The following DST variants were observed in gnomAD, a reference collection of about 807,000 sequenced individuals.
DST encodes dystonin, also known as bullous pemphigoid antigen.
DST carries 253 observed loss-of-function variants against 875.2 expected under a neutral mutation model. The ratio of observed to expected loss-of-function variants is 0.29; its 90% CI spans 0.26 to 0.32. The LOEUF (loss-of-function observed/expected upper bound fraction) is 0.32. Among genes scored for constraint, DST ranks in the 10% least tolerant of loss-of-function variants. DST has a pLI of 1.00. For missense variants in DST, 8,287 were observed against 9,111.6 expected (o/e 0.91, Z 3.68); for synonymous variants, 3,124 against 3,197.1 (o/e 0.98, Z 0.77).
At chr6:56,916,823 C>CACAGAGAG (rs555473872) in intron 2 of DST, among the ~76,000 whole-genome samples, 32 of 140,758 alleles carry the variant, frequency 2.3e-4, no homozygotes, top group African/African-American at 7.6e-4. Flanking sequence ...CACACACACA[C>CACAGAGAG]AGAGAGACAG....
intron 39 of DST, among the ~76,000 whole-genome samples, chr6:56,609,651 GA>G (rs1183407129): frequency 1.3e-5 from 2 of 152,150 alleles, no homozygotes; most frequent in African/African-American, 4.8e-5. Context: ...ATGATAGTGA[GA>G]AAACAGAACA....
chr6:56,510,212 T>C lies in DST; in HGVS notation c.18781-339A>G, dbSNP rs7743011. On this transcript the variant is annotated intron_variant, in intron 73 of 103. Transcript: ENST00000680361. ...CTTTACCTGCTGCTTCATCCTGTTA[T>C]CATAATTCAAATTAATTTTAAAAAT... Among the ~76,000 whole-genome samples the C allele has an allele frequency of 0.66, 100,595 of 152,016 alleles. 33,774 individuals are homozygous for C. Among genetic ancestry groups the C allele is most frequent in the Non-Finnish European group, 0.7 (47,913 of 67,976 alleles).
At chr6:56,577,338 C>G (rs2097886964) in intron 50 of DST, among the ~76,000 whole-genome samples, 1 of 152,144 alleles carries the variant, frequency 6.6e-6, no homozygotes, top group African/African-American at 2.4e-5. Context: ...GCAATGGTAT[C>G]TAATGTGGAT....
At chr6:56,818,165 A>G (rs992469374) in intron 4 of DST, among the ~76,000 whole-genome samples, 8 of 152,210 alleles carry the variant, frequency 5.3e-5, no homozygotes, top group African/African-American at 1.9e-4. Flanking sequence ...AGTGTAAGGT[A>G]ATAAATTTGT....
intron 90 of DST, among the ~76,000 whole-genome samples, chr6:56,479,247 G>A (rs2095320129): frequency 6.6e-6 from 1 of 152,138 alleles, no homozygotes; most frequent in Non-Finnish European, 1.5e-5. Flanking sequence ...ACACAAGTCA[G>A]GATGACTATT....
chr6:56,951,158 T>A (rs967067914), intron 2 of DST, among the ~76,000 whole-genome samples: 2 of 152,216 alleles, frequency 1.3e-5, no homozygotes, highest in Admixed American at 1.3e-4. Flanking sequence ...CAATACATTC[T>A]GCCAAGTAGA....
chr6:56,476,375 A>G (rs375724008), intron 91 of DST, 38 bp from the exon 92 acceptor site: 99 of 1,487,156 alleles, frequency 6.7e-5, no homozygotes, highest in Non-Finnish European at 8.7e-5. Context: ...ATTTCCTCCA[A>G]CTTAGTAAAA....
intron 2 of DST, among the ~76,000 whole-genome samples, chr6:56,944,170 T>G (rs1019521059): frequency 1.3e-5 from 2 of 152,108 alleles, no homozygotes; most frequent in Non-Finnish European, 2.9e-5. Context: ...CTCTTTCCCC[T>G]TAAGGAAAAG....
chr6:56,557,649 A>G (rs1584873887), intron 58 of DST, 131 bp from the exon 59 acceptor site: 2 of 733,036 alleles, frequency 2.7e-6, no homozygotes, highest in African/African-American at 1.8e-5. Flanking sequence ...CTCTTGTTAC[A>G]TAGTTACTTA....
Position 56,642,046 on chromosome 6 carries a change from C to A in DST, c.1928G>T (p.Gly643Val). The A allele has an allele frequency of 6.2e-7, 1 of 1,612,696 alleles. No individual in the cohort carries two copies. Among genetic ancestry groups the A allele is most frequent in the Non-Finnish European group, 8.5e-7 (1 of 1,179,032 alleles). ...AAGGTTCTCACATTCAAGTATATACCCAGCAATTTCTGCTTCATTCTGAAA... is the reference window on the plus strand; with the variant it reads ...AAGGTTCTCACATTCAAGTATATACACAGCAATTTCTGCTTCATTCTGAAA... ...VQFQNEAEIA[G>V]YILECENLLR... Residue 643 changes from glycine (G) to valine (V), a missense_variant, in exon 17 of 104, where the codon GGG becomes GTG. This residue lies in a region of DST where 1,160 missense variants were observed against 1,424.3 expected (regional missense o/e 0.81). Transcript: ENST00000680361.
intron 3 of DST, among the ~76,000 whole-genome samples, chr6:56,887,800 T>C (rs145183754): frequency 2.6e-5 from 4 of 152,284 alleles, no homozygotes; most frequent in East Asian, 3.9e-4. Flanking sequence ...TGAATCCCTT[T>C]ACCAAGTTAA....
chr6:56,596,770 T>C (rs2098392929), intron 47 of DST, among the ~76,000 whole-genome samples: 1 of 152,146 alleles, frequency 6.6e-6, no homozygotes, highest in Non-Finnish European at 1.5e-5. Context: ...AAGCCAAATA[T>C]TGAAATAAAA....
At chr6:56,836,107 T>C (rs1389486062) in intron 4 of DST, among the ~76,000 whole-genome samples, 1 of 152,220 alleles carries the variant, frequency 6.6e-6, no homozygotes, top group Non-Finnish European at 1.5e-5. Flanking sequence ...GTAATATCTA[T>C]AAATGTATAA....
At chr6:56,563,321 G>A (rs969272967) in intron 55 of DST, among the ~76,000 whole-genome samples, 4 of 152,112 alleles carry the variant, frequency 2.6e-5, no homozygotes, top group Admixed American at 1.3e-4. Context: ...TTTGATCTGC[G>A]TTTCTCTAAT....
chr6:56,854,303 A>G (rs1031609725), intron 3 of DST, among the ~76,000 whole-genome samples: 5 of 152,088 alleles, frequency 3.3e-5, no homozygotes, highest in African/African-American at 1.2e-4. Context: ...CTAACCTTTG[A>G]TGTGGGGCTT....
At chr6:56,476,912 A>AC (rs1158907738) in intron 91 of DST, among the ~76,000 whole-genome samples, 1 of 152,170 alleles carries the variant, frequency 6.6e-6, no homozygotes, top group African/African-American at 2.4e-5. Flanking sequence ...AGATCCAGCT[A>AC]CTGCACTCCA....
chr6:56,522,422 T>A (rs1448934179), intron 69 of DST, among the ~76,000 whole-genome samples: 1 of 152,172 alleles, frequency 6.6e-6, no homozygotes, highest in Non-Finnish European at 1.5e-5. Flanking sequence ...TAAGCAAACC[T>A]TAACCTCAAG....
rs367670667 is a variant in DST, at chr6:56,628,043, G to A, written c.4594C>T (p.Pro1532Ser). The change falls in exon 33 of 104, where the codon CCT (proline) becomes TCT (serine). Residue 1532 changes from proline to serine, a missense_variant. Pro to Ser is a moderately conservative substitution (Grantham distance 74). Coordinates refer to ENST00000680361, the MANE Select transcript of DST (RefSeq NM_001374736.1). ...TTQRKIQENQ[P>S]ENSKTLATQL... The stretch of plus-strand genomic sequence containing the variant: ...GTGGCTAGGGTTTTACTATTTTCAG[G>A]CTGATTTTCCTGAATCTTTCTCTGA... The A allele has an allele frequency of 1.2e-5, 20 of 1,613,804 alleles. No homozygotes were observed. The African/African-American group carries it at 1.6e-4, about 13-fold the overall frequency.
chr6:56,918,115 G>A (rs1410570350), intron 2 of DST, among the ~76,000 whole-genome samples: 2 of 147,288 alleles, frequency 1.4e-5, no homozygotes, highest in Admixed American at 6.7e-5. Flanking sequence ...AGGTTCAGGT[G>A]TACATTCTTT....
Sources: gnomAD v4.1 joint callset for allele counts (sites outside exome capture counted in the v4.1 genomes callset) on GRCh38, gnomAD v4.1.1 for gene constraint, gnomAD v4.1.1 regional missense constraint, MANE v1.5 for transcripts, NCBI Gene and HGNC (gene_info 2026-07-23, HGNC 2026-07-21) for gene names.